Variants in IL2RA observed in about 807,000 individuals in gnomAD.
IL2RA encodes interleukin-2 receptor subunit alpha.
In IL2RA, 24 loss-of-function variants were observed where a neutral mutation model predicts 37.8. That is an observed-to-expected ratio of 0.63 (90% CI 0.46 to 0.89). IL2RA has a LOEUF of 0.89. IL2RA is among the 40% of genes least tolerant of loss of function. The probability of loss-of-function intolerance (pLI) is 0.00; values close to 1 mark genes in which losing one functional copy is unlikely to be tolerated. For synonymous variants in IL2RA, 125 were observed against 114.6 expected (o/e 1.09, Z -0.58); for missense variants, 319 against 348.6 (o/e 0.92, Z 0.68).
chr10:6,024,378 G>A (rs750718897), intron 2 of IL2RA, 24 bp from the exon 3 acceptor site: 15 of 1,500,282 alleles, frequency 1.0e-5, no homozygotes, highest in East Asian at 2.3e-5. Flanking sequence ...ATGGAATGAT[G>A]CAGATAATTT....
In IL2RA at chr10:6,048,572, C is replaced by T. The variant is rs1839901474; in HGVS notation, c.64+13516G>A. ...GCTTATGTAGCCTTACAGCACCCAG[C>T]AGGGTCTGTGTTATTCCCATTTTAT... On this transcript the variant is annotated intron_variant, in intron 1 of 7. Coordinates refer to ENST00000379959, the MANE Select transcript of IL2RA (RefSeq NM_000417.3). The surrounding 1 kb of genome is among the most constrained non-coding windows in gnomAD (Gnocchi z 5.3). Among the ~76,000 whole-genome samples the T allele has an allele frequency of 6.6e-6, 1 of 152,244 alleles. No homozygotes were observed. The highest frequency in any genetic ancestry group is 1.5e-5 in the Non-Finnish European group (1 of 68,032).
At position 6,057,306 on chromosome 10, in the gene IL2RA, G is replaced by A. The variant is rs1456624884; in HGVS notation, c.64+4782C>T. ...AGTGGGTCATGCTGGCTGCCAGGCA[G>A]TACTTCTTCAGAGCTGGAAATAACC... On this transcript the variant is annotated intron_variant, in intron 1 of 7. Transcript: ENST00000379959. This position sits in a 1 kb window ranked among gnomAD's most constrained non-coding sequence, Gnocchi z 4.8. Among the ~76,000 whole-genome samples the A allele has an allele frequency of 6.6e-6, 1 of 152,224 alleles. No individual in the cohort carries two copies. The highest frequency in any genetic ancestry group is 1.9e-4 in the East Asian group (1 of 5,200).
intron 1 of IL2RA, among the ~76,000 whole-genome samples, chr10:6,031,282 A>G (rs1839570324): frequency 6.6e-6 from 1 of 151,436 alleles, no homozygotes; most frequent in Non-Finnish European, 1.5e-5. Context: ...AAAAGATATA[A>G]TCTACAAAGA....
chr10:6,025,943 A>C lies in IL2RA; in HGVS notation c.147T>G (p.Cys49Trp). ...TTCTGCGGAAACCTCTCTTGCATTC[A>C]CAGTTCAACATGGTTCCTTCCTTGT... The part of the protein sequence containing the change: ...MAYKEGTMLN[C>W]ECKRGFRRIK... The change falls in exon 2 of 8, where the codon TGT becomes TGG. Residue 49 changes from cysteine to tryptophan, a missense_variant. Cys to Trp is a radical substitution (Grantham distance 215). Transcript: ENST00000379959. The surrounding 1 kb of genome is among the most constrained non-coding windows in gnomAD (Gnocchi z 4.4). 1 of 1,614,198 alleles carries C rather than the reference A, an allele frequency of 6.2e-7. No homozygotes were observed. The highest frequency in any genetic ancestry group is 8.5e-7 in the Non-Finnish European group (1 of 1,180,040).
rs1364321849 is a variant in IL2RA, at chr10:6,062,119, G to T, written c.33C>A (p.Leu11=). ...GGCAGCCAGGCACCATGATGAACGTGAGCAGTCCCCACATCAGCAGGTATG... is the reference window on the plus strand; with the variant it reads ...GGCAGCCAGGCACCATGATGAACGTTAGCAGTCCCCACATCAGCAGGTATG... MDSYLLMWGL[L]TFIMVPGCQA... Residue 11 remains leucine (L), a synonymous_variant, in exon 1 of 8, where the codon CTC becomes CTA. Coordinates refer to ENST00000379959, the MANE Select transcript of IL2RA (RefSeq NM_000417.3). 6.2e-7 allele frequency: 1 copy of T among 1,614,050 alleles called. No homozygotes were observed. Among genetic ancestry groups the T allele is most frequent in the African/African-American group, 1.3e-5 (1 of 75,048 alleles).
At position 6,012,477 on chromosome 10, in the gene IL2RA, C is replaced by A. The variant is rs574873827; in HGVS notation, c.*395G>T. On this transcript the variant is annotated 3_prime_UTR_variant, in exon 8 of 8. Coordinates refer to ENST00000379959, the MANE Select transcript of IL2RA (RefSeq NM_000417.3). This position sits in a 1 kb window ranked among gnomAD's most constrained non-coding sequence, Gnocchi z 4.8. ...GTTAGTGCTGGGGCTTTCCTTGGGA[C>A]TCCTGAACTGGGAAGTTGGAATGAG... The A allele has an allele frequency of 1.4e-5, 4 of 292,490 alleles. No homozygotes were observed. Among genetic ancestry groups the A allele is most frequent in the Non-Finnish European group, 2.6e-5 (4 of 151,088 alleles). The allele number at this position is 292,490 out of a possible 1,614,324, so 18.1% of individuals were successfully genotyped here. A position where few individuals can be genotyped will look rare whatever the true frequency, so the allele number is the denominator to read the frequency against.
rs887052706 is a variant in IL2RA, at chr10:6,048,491, A to G, written c.64+13597T>C. The stretch of plus-strand genomic sequence containing the variant: ...CTTTGGCCATGCAGACTAGAAGCCC[A>G]GCAAGTCACATTTAGTGAGCACCTA... On this transcript the variant is annotated intron_variant, in intron 1 of 7. Coordinates refer to ENST00000379959, the MANE Select transcript of IL2RA (RefSeq NM_000417.3). This position sits in a 1 kb window ranked among gnomAD's most constrained non-coding sequence, Gnocchi z 5.3. Among the ~76,000 whole-genome samples, 37 of 152,258 alleles carry G rather than the reference A, an allele frequency of 2.4e-4. No homozygotes were observed. The highest frequency in any genetic ancestry group is 8.4e-4 in the African/African-American group (35 of 41,470).
At chr10:6,023,615 C>T (rs776298175) in intron 3 of IL2RA, among the ~76,000 whole-genome samples, 30 of 152,340 alleles carry the variant, frequency 2.0e-4, no homozygotes, top group East Asian at 1.5e-3. Flanking sequence ...GGATTACAGG[C>T]GTGAGCCACT....
chr10:6,021,118 A>AAAT lies in IL2RA; in HGVS notation c.583+359_583+360insATT, dbSNP rs1330126652. On this transcript the variant is annotated intron_variant, in intron 4 of 7. Transcript: ENST00000379959. The surrounding 1 kb of genome is among the most constrained non-coding windows in gnomAD (Gnocchi z 4.9). ...AAGAGGAAAAATGTGTGAGTGGGAA[A>AAAT]CTGGACTTGCCCTTGGAGCCAGAGG... Among the ~76,000 whole-genome samples, 28 of 152,240 alleles carry AAAT rather than the reference A, an allele frequency of 1.8e-4. No homozygotes were observed. Among genetic ancestry groups the AAAT allele is most frequent in the African/African-American group, 6.5e-4 (27 of 41,538 alleles).
chr10:6,032,879 A>G (rs1371800618), intron 1 of IL2RA, among the ~76,000 whole-genome samples: 1 of 152,220 alleles, frequency 6.6e-6, no homozygotes, highest in African/African-American at 2.4e-5. Context: ...AAGATACACG[A>G]CTATCAATAA....
rs995387159 is a variant in IL2RA at position 6,048,254 on chromosome 10, A to G, written c.64+13834T>C. ...GAGATTTTAGAAGTTGGAATTGCCA[A>G]AAATTGAGGCTGGATTATTAGGTGC... On this transcript the variant is annotated intron_variant, in intron 1 of 7. Transcript: ENST00000379959. The surrounding 1 kb of genome is among the most constrained non-coding windows in gnomAD (Gnocchi z 5.3). Among the ~76,000 whole-genome samples the G allele has an allele frequency of 4.6e-5, 7 of 152,260 alleles. No homozygotes were observed. Among genetic ancestry groups the G allele is most frequent in the African/African-American group, 1.7e-4 (7 of 41,460 alleles).
chr10:6,026,905 T>C (rs1043176437), intron 1 of IL2RA, among the ~76,000 whole-genome samples: 7 of 151,960 alleles, frequency 4.6e-5, no homozygotes, highest in Admixed American at 3.3e-4. Flanking sequence ...GGTTGGCCGG[T>C]TGTGTATTGG....
intron 1 of IL2RA, among the ~76,000 whole-genome samples, chr10:6,055,150 C>T (rs1840024362): frequency 6.6e-6 from 1 of 152,188 alleles, no homozygotes; most frequent in Non-Finnish European, 1.5e-5. Flanking sequence ...GGCGGTAACC[C>T]CTGACCTCCC....
chr10:6,054,412 C>A lies in IL2RA; in HGVS notation c.64+7676G>T, dbSNP rs189128637. On this transcript the variant is annotated intron_variant, in intron 1 of 7. Transcript: ENST00000379959. The surrounding 1 kb of genome is among the most constrained non-coding windows in gnomAD (Gnocchi z 4.5). Reference sequence around the variant, plus strand: ...GACCCATTGAACCGAGGACGTCTACCGGGGACCAATGACACCTGTAGACAC... The same window carrying A: ...GACCCATTGAACCGAGGACGTCTACAGGGGACCAATGACACCTGTAGACAC... 6.6e-6 allele frequency among the ~76,000 whole-genome samples: 1 copy of A among 152,192 alleles called. No individual in the cohort carries two copies. Among genetic ancestry groups the A allele is most frequent in the East Asian group, 1.9e-4 (1 of 5,182 alleles).
Position 6,021,472 on chromosome 10 carries a change from C to A in IL2RA, c.583+6G>T. ...CATTGTGGACCCCAGAAGGGAGCCA[C>A]CCTACCTGGAAACTGACTGGTCTCC... On this transcript the variant is annotated splice_donor_region_variant and intron_variant, in intron 4 of 7. Transcript: ENST00000379959. The surrounding 1 kb of genome is among the most constrained non-coding windows in gnomAD (Gnocchi z 4.9). The A allele has an allele frequency of 1.2e-6, 2 of 1,612,530 alleles. No individual in the cohort carries two copies. Among genetic ancestry groups the A allele is most frequent in the Non-Finnish European group, 1.7e-6 (2 of 1,179,150 alleles).
Position 6,012,702 on chromosome 10 carries a change from G to T in IL2RA, c.*170C>A. On this transcript the variant is annotated 3_prime_UTR_variant, in exon 8 of 8. Transcript: ENST00000379959. The surrounding 1 kb of genome is among the most constrained non-coding windows in gnomAD (Gnocchi z 4.8). Reference sequence around the variant, plus strand: ...GGGACTGAGCTGGCATAGAGACAAGGTTGCCACTGCCCCGTGTCCTGTGAT... The same window carrying T: ...GGGACTGAGCTGGCATAGAGACAAGTTTGCCACTGCCCCGTGTCCTGTGAT... 7 of 710,462 alleles carry T rather than the reference G, an allele frequency of 9.9e-6. No homozygotes were observed. The highest frequency in any genetic ancestry group is 1.8e-5 in the Non-Finnish European group (7 of 389,278). The allele number at this position is 710,462 out of a possible 1,614,324, so 44.0% of individuals were successfully genotyped here. A position where few individuals can be genotyped will look rare whatever the true frequency, so the allele number is the denominator to read the frequency against.
At chr10:6,043,527 C>A (rs1839804839) in intron 1 of IL2RA, among the ~76,000 whole-genome samples, 1 of 152,160 alleles carries the variant, frequency 6.6e-6, no homozygotes, top group African/African-American at 2.4e-5. Flanking sequence ...CAACCTCTGC[C>A]TCCAAGGTTT....
At position 6,044,396 on chromosome 10, in the gene IL2RA, C is replaced by A. The variant is rs1839818816; in HGVS notation, c.64+17692G>T. On this transcript the variant is annotated intron_variant, in intron 1 of 7. Transcript: ENST00000379959. This position sits in a 1 kb window ranked among gnomAD's most constrained non-coding sequence, Gnocchi z 4.5. Reference sequence around the variant, plus strand: ...TAGTAGGTCAGGGCAGTTTTGCATTCATATTTATATCTGCTTTTAATTACA... The same window carrying A: ...TAGTAGGTCAGGGCAGTTTTGCATTAATATTTATATCTGCTTTTAATTACA... Among the ~76,000 whole-genome samples the A allele has an allele frequency of 2.6e-5, 4 of 152,214 alleles. No individual in the cohort carries two copies.
intron 7 of IL2RA, chr10:6,017,034 T>C: frequency 6.3e-6 from 1 of 158,548 alleles, no homozygotes. Context: ...AGGATTTCCC[T>C]CTTGTAAACC....
Sources: gnomAD v4.1 joint callset for allele counts (sites outside exome capture counted in the v4.1 genomes callset) on GRCh38, gnomAD v4.1.1 for gene constraint, Gnocchi (gnomAD v3.1) non-coding constraint, MANE v1.5 for transcripts, NCBI Gene and HGNC (gene_info 2026-07-23, HGNC 2026-07-21) for gene names.